IMMP2L: variants seen among roughly 807,000 people sequenced by gnomAD.
The protein encoded by IMMP2L is inner mitochondrial membrane peptidase subunit 2.
In IMMP2L, 18 loss-of-function variants were observed where a neutral mutation model predicts 19.3. That is an observed-to-expected ratio of 0.93 (90% CI 0.64 to 1.38). The LOEUF (loss-of-function observed/expected upper bound fraction) is 1.38, where lower values mean the gene tolerates loss of function less well. IMMP2L is among the 40% of genes most tolerant of loss of function. IMMP2L has a pLI of 0.00. For missense variants in IMMP2L, 233 were observed against 218.2 expected (o/e 1.07, Z -0.43); for synonymous variants, 76 against 73.0 (o/e 1.04, Z -0.21).
chr7:110,964,825 C>G (rs1352111297), intron 3 of IMMP2L, among the ~76,000 whole-genome samples: 1 of 151,944 alleles, frequency 6.6e-6, no homozygotes, highest in Non-Finnish European at 1.5e-5. Flanking sequence ...ATGGATCACT[C>G]TAGAAGTCTG....
chr7:111,027,508 T>G (rs1165811326), intron 3 of IMMP2L, among the ~76,000 whole-genome samples: 1 of 151,824 alleles, frequency 6.6e-6, no homozygotes, highest in African/African-American at 2.4e-5. Flanking sequence ...AAACACTAAT[T>G]TTATGTGAAT....
Position 110,882,287 on chromosome 7 carries a change from G to GCCTTCCTTCCCTCCTTCCTTCCTTCCTT in IMMP2L, c.408+4305_408+4306insAAGGAAGGAAGGAAGGAGGGAAGGAAGG, listed in dbSNP as rs1554445659. On this transcript the variant is annotated intron_variant, in intron 5 of 5. Coordinates refer to ENST00000405709, the MANE Select transcript of IMMP2L (RefSeq NM_032549.4). ...GTCCCAATTCCTCTCTTTGTCAAGT[G>GCCTTCCTTCCCTCCTTCCTTCCTTCCTT]CCTTCCTTCCTTCCTTCCTTCCTTC... is the stretch of plus-strand genomic sequence containing the variant. 1.4e-3 allele frequency among the ~76,000 whole-genome samples: 171 copies of GCCTTCCTTCCCTCCTTCCTTCCTTCCTT among 122,174 alleles called. 3 individuals are homozygous for GCCTTCCTTCCCTCCTTCCTTCCTTCCTT. The highest frequency in any genetic ancestry group is 5.3e-3 in the African/African-American group (161 of 30,174). The allele number at this position is 122,174 out of a possible 152,430, so 80.2% of individuals were successfully genotyped here.
chr7:110,816,813 T>G (rs968416715), intron 5 of IMMP2L, among the ~76,000 whole-genome samples: 11 of 152,110 alleles, frequency 7.2e-5, no homozygotes, highest in East Asian at 3.9e-4. Context: ...GTTTTCCATT[T>G]GCTTGGTAGA....
intron 2 of IMMP2L, among the ~76,000 whole-genome samples, chr7:111,493,325 C>A (rs1015425637): frequency 1.3e-5 from 2 of 152,140 alleles, no homozygotes; most frequent in Non-Finnish European, 2.9e-5. Context: ...AAAGAAAAAC[C>A]TTCTTGAATT....
intron 3 of IMMP2L, among the ~76,000 whole-genome samples, chr7:111,445,562 T>C (rs10232025): frequency 0.091 from 13,839 of 152,178 alleles, 773 homozygotes; most frequent in African/African-American, 0.14. Context: ...AGAATTAGAA[T>C]TCAAGCACGT....
chr7:110,861,643 G>T (rs1807443080), intron 5 of IMMP2L, among the ~76,000 whole-genome samples: 1 of 149,506 alleles, frequency 6.7e-6, no homozygotes, highest in Non-Finnish European at 1.5e-5. Context: ...CTTACCTCCA[G>T]ATGACAGTTT....
At chr7:110,828,676 A>G (rs1308772787) in intron 5 of IMMP2L, among the ~76,000 whole-genome samples, 1 of 152,134 alleles carries the variant, frequency 6.6e-6, no homozygotes, top group Non-Finnish European at 1.5e-5. Flanking sequence ...TACTCTACAC[A>G]AGATATATCA....
chr7:111,539,478 GT>G (rs892145828), intron 1 of IMMP2L, among the ~76,000 whole-genome samples: 17 of 152,138 alleles, frequency 1.1e-4, no homozygotes, highest in African/African-American at 4.1e-4. Context: ...TTTAGGAAGT[GT>G]TTAGTTAGAT....
At chr7:111,017,185 A>G in intron 3 of IMMP2L, among the ~76,000 whole-genome samples, 1 of 150,412 alleles carries the variant, frequency 6.6e-6, no homozygotes, top group South Asian at 2.1e-4. Context: ...CTCCTGCCTC[A>G]GCTGCCTGAG....
At chr7:111,242,603 T>C (rs1815228706) in intron 3 of IMMP2L, among the ~76,000 whole-genome samples, 1 of 152,102 alleles carries the variant, frequency 6.6e-6, no homozygotes. Context: ...CCTAGTGAGC[T>C]ATTCATAGCA....
chr7:111,063,819 C>A (rs1794246255), intron 3 of IMMP2L, among the ~76,000 whole-genome samples: 1 of 152,124 alleles, frequency 6.6e-6, no homozygotes, highest in Non-Finnish European at 1.5e-5. Context: ...TATCTGAGAC[C>A]ACCTCAGCCT....
At chr7:111,204,785 T>G (rs952266036) in intron 3 of IMMP2L, among the ~76,000 whole-genome samples, 4 of 152,190 alleles carry the variant, frequency 2.6e-5, no homozygotes, top group African/African-American at 9.7e-5. Context: ...ACTGACCTAC[T>G]GAAGATCACA....
At chr7:110,771,595 A>G (rs1158706306) in intron 5 of IMMP2L, among the ~76,000 whole-genome samples, 2 of 152,140 alleles carry the variant, frequency 1.3e-5, no homozygotes, top group Non-Finnish European at 2.9e-5. Flanking sequence ...CATGCTGGCC[A>G]TGAAGCTTAC....
intron 3 of IMMP2L, among the ~76,000 whole-genome samples, chr7:111,210,309 A>G (rs1811173674): frequency 6.6e-6 from 1 of 152,188 alleles, no homozygotes; most frequent in Non-Finnish European, 1.5e-5. Context: ...CACACATCCA[A>G]CATAATTATG....
chr7:111,462,961 A>G (rs1487011088), intron 3 of IMMP2L, among the ~76,000 whole-genome samples: 2 of 152,182 alleles, frequency 1.3e-5, no homozygotes, highest in East Asian at 1.9e-4. Context: ...TTGCCATAAC[A>G]TAATACCAAA....
rs1314761890 is a variant in IMMP2L at position 111,424,655 on chromosome 7, C to G, written c.239+62583G>C. Among the ~76,000 whole-genome samples, 7 of 151,898 alleles carry G rather than the reference C, an allele frequency of 4.6e-5. No individual in the cohort carries two copies. In the East Asian group the frequency reaches 1.2e-3, roughly 25 times the overall value. Reference sequence around the variant, plus strand: ...AAACTATATCTTAAATATGAAGACTCTTAACAGAGTAATTTCATACATTCC... The same window carrying G: ...AAACTATATCTTAAATATGAAGACTGTTAACAGAGTAATTTCATACATTCC... On this transcript the variant is annotated intron_variant, in intron 3 of 5. Coordinates refer to ENST00000405709, the MANE Select transcript of IMMP2L (RefSeq NM_032549.4).
At chr7:111,339,486 C>G (rs1304000285) in intron 3 of IMMP2L, among the ~76,000 whole-genome samples, 1 of 151,746 alleles carries the variant, frequency 6.6e-6, no homozygotes, top group African/African-American at 2.4e-5. Context: ...GACATTAGCT[C>G]TAGGAAGAAC....
At chr7:110,975,975 T>C (rs1263944140) in intron 3 of IMMP2L, among the ~76,000 whole-genome samples, 1 of 152,046 alleles carries the variant, frequency 6.6e-6, no homozygotes, top group Non-Finnish European at 1.5e-5. Context: ...GAAAATGGAT[T>C]TTTTTTAACG....
intron 2 of IMMP2L, among the ~76,000 whole-genome samples, chr7:111,513,772 T>C (rs1350826959): frequency 6.6e-6 from 1 of 152,098 alleles, no homozygotes; most frequent in Non-Finnish European, 1.5e-5. Flanking sequence ...TGTATATATA[T>C]GAGTGCGTGT....
Sources: gnomAD v4.1 joint callset for allele counts (sites outside exome capture counted in the v4.1 genomes callset) on GRCh38, gnomAD v4.1.1 for gene constraint, MANE v1.5 for transcripts, NCBI Gene and HGNC (gene_info 2026-07-23, HGNC 2026-07-21) for gene names.